Variants in MPHOSPH9 observed in about 807,000 individuals in gnomAD.
The protein encoded by MPHOSPH9 is M-phase phosphoprotein 9.
Under a neutral mutation model 145.5 loss-of-function variants are expected in MPHOSPH9, and 88 were observed. The ratio of observed to expected loss-of-function variants is 0.60; its 90% CI spans 0.51 to 0.72. MPHOSPH9 has a LOEUF of 0.72. MPHOSPH9 is among the 30% of genes least tolerant of loss of function. The probability of loss-of-function intolerance (pLI) is 0.00; values close to 1 mark genes in which losing one functional copy is unlikely to be tolerated. For synonymous variants in MPHOSPH9, 435 were observed against 486.2 expected (o/e 0.89, Z 1.39); for missense variants, 1,238 against 1,386.6 (o/e 0.89, Z 1.70).
At chr12:123,173,930 C>A (rs573141744) in intron 16 of MPHOSPH9, among the ~76,000 whole-genome samples, 1 of 152,158 alleles carries the variant, frequency 6.6e-6, no homozygotes, top group Non-Finnish European at 1.5e-5. Flanking sequence ...GTTGGTTAGA[C>A]GTTTTGGAGG....
chr12:123,231,631 A>AT (rs2047640164), intron 1 of MPHOSPH9, among the ~76,000 whole-genome samples: 1 of 152,114 alleles, frequency 6.6e-6, no homozygotes, highest in African/African-American at 2.4e-5. Context: ...CAGGAGTTCA[A>AT]GACTGCAGTG....
intron 13 of MPHOSPH9, among the ~76,000 whole-genome samples, chr12:123,184,280 T>A (rs1029013815): frequency 2.0e-5 from 3 of 151,982 alleles, no homozygotes; most frequent in Non-Finnish European, 2.9e-5. Flanking sequence ...AGAATCTGAC[T>A]GATAGGTCCC....
intron 3 of MPHOSPH9, chr12:123,226,363 C>T (rs933597258): frequency 2.6e-6 from 3 of 1,158,776 alleles, no homozygotes; most frequent in African/African-American, 3.2e-5. Context: ...TGAAAAATAA[C>T]ACAAATTATG....
intron 6 of MPHOSPH9, 40 bp from the exon 7 acceptor site, chr12:123,214,874 T>C: frequency 6.6e-7 from 1 of 1,505,192 alleles, no homozygotes; most frequent in Non-Finnish European, 9.2e-7. Context: ...CTAAAAGTCA[T>C]TAGGCACAAT....
intron 1 of MPHOSPH9, among the ~76,000 whole-genome samples, chr12:123,243,526 T>C (rs1488332236): frequency 2.0e-4 from 10 of 51,058 alleles, no homozygotes; most frequent in Admixed American, 6.1e-4. Context: ...CGAGACTCCG[T>C]CTCAAAAAAA....
chr12:123,154,578 T>C lies in MPHOSPH9; in HGVS notation c.*2229A>G, dbSNP rs774935110. ...ACGCCTTTTTTGGAATAAGCCAATA[T>C]AGGCTACTAAGAAGATAATTCCTTG... On this transcript the variant is annotated 3_prime_UTR_variant, in exon 24 of 24. Coordinates refer to ENST00000606320, the MANE Select transcript of MPHOSPH9 (RefSeq NM_022782.4). 2 of 152,214 alleles carry C rather than the reference T, an allele frequency of 1.3e-5. No individual in the cohort carries two copies. Among genetic ancestry groups the C allele is most frequent in the African/African-American group, 4.8e-5 (2 of 41,468 alleles). The allele number at this position is 152,214 out of a possible 1,614,324, so 9.4% of individuals were successfully genotyped here. A position where few individuals can be genotyped will look rare whatever the true frequency, so the allele number is the denominator to read the frequency against.
intron 13 of MPHOSPH9, among the ~76,000 whole-genome samples, chr12:123,183,294 T>C (rs1419310505): frequency 6.6e-6 from 1 of 151,734 alleles, no homozygotes; most frequent in Non-Finnish European, 1.5e-5. Flanking sequence ...ACACCTGTAA[T>C]CTCAGCACTT....
intron 1 of MPHOSPH9, among the ~76,000 whole-genome samples, chr12:123,241,704 A>G (rs540728678): frequency 2.0e-5 from 3 of 151,010 alleles, no homozygotes; most frequent in African/African-American, 4.9e-5. Context: ...TCTGGGCTCA[A>G]GCAATCCTCC....
At chr12:123,204,365 C>T (rs1032679254) in intron 8 of MPHOSPH9, among the ~76,000 whole-genome samples, 2 of 151,672 alleles carry the variant, frequency 1.3e-5, no homozygotes, top group Non-Finnish European at 2.9e-5. Context: ...AGAAAACTTT[C>T]GGCCAAATTA....
At position 123,163,206 on chromosome 12, in the gene MPHOSPH9, ATT is replaced by A. The variant is rs1052181127; in HGVS notation, c.2909-74_2909-73del. 9.2e-6 allele frequency: 13 copies of A among 1,413,300 alleles called. No individual in the cohort carries two copies. The Admixed American group carries it at 3.0e-4, about 33-fold the overall frequency. 87.5% of individuals were successfully genotyped at this position (1,413,300 alleles called of 1,614,324 possible). A position where few individuals can be genotyped will look rare whatever the true frequency, so the allele number is the denominator to read the frequency against. ...TCAGCATAACAGTTTCTTATTCAGT[ATT>A]TTTTTTCTAATTTTGAAAGGAATAT... is the stretch of plus-strand genomic sequence containing the variant. On this transcript the variant is annotated intron_variant, in intron 19 of 23. Transcript: ENST00000606320.
chr12:123,206,277 C>A (rs1369546594), intron 8 of MPHOSPH9, among the ~76,000 whole-genome samples: 3 of 141,294 alleles, frequency 2.1e-5, no homozygotes, highest in Non-Finnish European at 4.7e-5. Flanking sequence ...ATAGAGAGAC[C>A]TTGCCTCTAC....
At chr12:123,227,738 CT>C (rs1745214255) in intron 2 of MPHOSPH9, 122 bp from the exon 3 acceptor site, 1 of 783,750 alleles carries the variant, frequency 1.3e-6, no homozygotes, top group Non-Finnish European at 1.8e-6. Context: ...CTAATGGCAC[CT>C]CATTTGTTCA....
chr12:123,209,650 T>A (rs1476092815), intron 8 of MPHOSPH9, among the ~76,000 whole-genome samples: 3 of 151,872 alleles, frequency 2.0e-5, no homozygotes, highest in Non-Finnish European at 4.4e-5. Flanking sequence ...CCTCAGATGG[T>A]CTGCCCACTT....
intron 2 of MPHOSPH9, among the ~76,000 whole-genome samples, chr12:123,228,095 T>C (rs577512558): frequency 6.6e-6 from 1 of 152,246 alleles, no homozygotes; most frequent in South Asian, 2.1e-4. Flanking sequence ...TGCATAAAAG[T>C]TGTGCCAAGC....
At chr12:123,220,430 G>T (rs925728004) in intron 5 of MPHOSPH9, among the ~76,000 whole-genome samples, 1 of 151,600 alleles carries the variant, frequency 6.6e-6, no homozygotes, top group African/African-American at 2.4e-5. Flanking sequence ...CGGGTGTGGT[G>T]GCCCACACCT....
At chr12:123,178,340 T>C (rs1332198987) in intron 15 of MPHOSPH9, among the ~76,000 whole-genome samples, 1 of 152,236 alleles carries the variant, frequency 6.6e-6, no homozygotes, top group East Asian at 1.9e-4. Context: ...ATAAGAAAGC[T>C]ATCACTAGAA....
chr12:123,200,300 CT>C (rs200819299), intron 11 of MPHOSPH9, among the ~76,000 whole-genome samples: 7,516 of 142,924 alleles, frequency 0.053, 309 homozygotes, highest in East Asian at 0.27. Flanking sequence ...TGTAACACAG[CT>C]TTTTTTTTTT....
chr12:123,243,999 G>A (rs947289436), exon 1 of MPHOSPH9: 3 of 152,248 alleles, frequency 2.0e-5, no homozygotes, highest in African/African-American at 7.2e-5. Context: ...CAAAGCTGTG[G>A]AGTGATCTGC....
chr12:123,221,234 T>C lies in MPHOSPH9; in HGVS notation c.872+138A>G, dbSNP rs552303045. 7.0e-5 allele frequency: 49 copies of C among 696,630 alleles called. No homozygotes were observed. In the South Asian group the frequency reaches 9.8e-4, roughly 14 times the overall value. 43.2% of individuals were successfully genotyped at this position (696,630 alleles called of 1,614,324 possible). On this transcript the variant is annotated intron_variant, in intron 5 of 23. Transcript: ENST00000606320. ...AAGTCAGTGTCATTAGAATATAGTGTGCTTTGTTTATTTCAATTTTCTACA... is the reference window on the plus strand; with the variant it reads ...AAGTCAGTGTCATTAGAATATAGTGCGCTTTGTTTATTTCAATTTTCTACA...
Sources: gnomAD v4.1 joint callset for allele counts (sites outside exome capture counted in the v4.1 genomes callset) on GRCh38, gnomAD v4.1.1 for gene constraint, MANE v1.5 for transcripts, NCBI Gene and HGNC (gene_info 2026-07-23, HGNC 2026-07-21) for gene names.